The following GMEB1 variants were observed in gnomAD, a reference collection of about 807,000 sequenced individuals.
GMEB1 encodes glucocorticoid modulatory element-binding protein 1.
In GMEB1, 6 loss-of-function variants were observed where a neutral mutation model predicts 52.4. That is an observed-to-expected ratio of 0.11 (90% confidence interval 0.06 to 0.23). The LOEUF (loss-of-function observed/expected upper bound fraction) is 0.23. Ranked by LOEUF, GMEB1 falls within the 10% of genes least tolerant of loss-of-function variation. GMEB1 has a pLI of 1.00. For missense variants in GMEB1, 486 were observed against 685.6 expected (o/e 0.71, Z 3.25); for synonymous variants, 255 against 244.9 (o/e 1.04, Z -0.38).
At position 28,714,821 on chromosome 1, in the gene GMEB1, T is replaced by A; in HGVS notation, c.*48T>A. The A allele has an allele frequency of 7.8e-7, 1 of 1,279,980 alleles. No individual in the cohort carries two copies. Among genetic ancestry groups the A allele is most frequent in the Non-Finnish European group, 1.1e-6 (1 of 906,212 alleles). 79.3% of individuals were successfully genotyped at this position (1,279,980 alleles called of 1,614,324 possible). ...TTATGTTTTGATTTGGAATTTTAAT[T>A]ATTTGTTTATTTTTATCATTGTCCC... On this transcript the variant is annotated 3_prime_UTR_variant, in exon 10 of 10. Coordinates refer to ENST00000373816, the MANE Select transcript of GMEB1 (RefSeq NM_001319674.2).
At chr1:28,700,684 CAAAA>C (rs760383155) in intron 6 of GMEB1, among the ~76,000 whole-genome samples, 2 of 104,150 alleles carry the variant, frequency 1.9e-5, no homozygotes. Flanking sequence ...GACTCTGTCT[CAAAA>C]AAAAAAAAAA....
intron 6 of GMEB1, among the ~76,000 whole-genome samples, chr1:28,699,299 C>G (rs1189051321): frequency 6.6e-6 from 1 of 152,158 alleles, no homozygotes; most frequent in East Asian, 1.9e-4. Context: ...GTTAGTCCAG[C>G]TGGAGACTTA....
chr1:28,696,023 A>G (rs942751944), intron 5 of GMEB1, among the ~76,000 whole-genome samples: 2 of 147,412 alleles, frequency 1.4e-5, no homozygotes, highest in African/African-American at 5.0e-5. Context: ...GAAATTGGGA[A>G]GGAATATCTT....
chr1:28,682,384 C>T (rs1351922553), intron 1 of GMEB1, among the ~76,000 whole-genome samples: 1 of 151,964 alleles, frequency 6.6e-6, no homozygotes, highest in Non-Finnish European at 1.5e-5. Context: ...CTTTGGGAGG[C>T]TGAGACGGGT....
intron 1 of GMEB1, among the ~76,000 whole-genome samples, chr1:28,678,402 C>A (rs1381133698): frequency 6.6e-6 from 1 of 151,912 alleles, no homozygotes; most frequent in Non-Finnish European, 1.5e-5. Context: ...AGCTCCGCCT[C>A]TGGGGTTCGC....
intron 1 of GMEB1, among the ~76,000 whole-genome samples, chr1:28,674,173 A>G (rs1217482306): frequency 1.3e-5 from 2 of 151,532 alleles, no homozygotes; most frequent in African/African-American, 4.8e-5. Context: ...AAGTTAATGA[A>G]AAAAAGGAAA....
intron 1 of GMEB1, among the ~76,000 whole-genome samples, chr1:28,683,210 C>CTTCTT (rs1238739903): frequency 9.9e-5 from 15 of 151,706 alleles, no homozygotes; most frequent in African/African-American, 4.8e-5. Context: ...ATATGGTTGA[C>CTTCTT]TTCTTTTCTT....
chr1:28,670,973 G>A (rs1213508858), intron 1 of GMEB1, among the ~76,000 whole-genome samples: 1 of 152,058 alleles, frequency 6.6e-6, no homozygotes, highest in Non-Finnish European at 1.5e-5. Flanking sequence ...AAAGTCCACC[G>A]GACTGTAGCG....
intron 1 of GMEB1, among the ~76,000 whole-genome samples, chr1:28,671,413 G>A (rs976746736): frequency 4.6e-5 from 7 of 152,032 alleles, no homozygotes; most frequent in African/African-American, 1.4e-4. Flanking sequence ...CACTGCGCCC[G>A]CCTAATTTTG....
chr1:28,681,928 T>G (rs184852088), intron 1 of GMEB1, among the ~76,000 whole-genome samples: 4 of 152,078 alleles, frequency 2.6e-5, no homozygotes, highest in Admixed American at 2.6e-4. Flanking sequence ...GGTCTCGAAC[T>G]CCCAACCTCA....
chr1:28,698,726 G>A (rs1041247280), intron 6 of GMEB1, among the ~76,000 whole-genome samples: 11 of 151,876 alleles, frequency 7.2e-5, no homozygotes, highest in African/African-American at 2.7e-4. Flanking sequence ...GCTCACGCCT[G>A]TAATCCTAGC....
intron 6 of GMEB1, among the ~76,000 whole-genome samples, chr1:28,700,329 A>G (rs1670441002): frequency 6.6e-6 from 1 of 151,788 alleles, no homozygotes; most frequent in African/African-American, 2.4e-5. Flanking sequence ...TGGCTAGCAT[A>G]GTGAAACCCT....
rs1670644235 is a variant in GMEB1 at position 28,704,244 on chromosome 1, G to A, written c.783G>A (p.Glu261=). 1 of 1,613,586 alleles carries A rather than the reference G, an allele frequency of 6.2e-7. No individual in the cohort carries two copies. Among genetic ancestry groups the A allele is most frequent in the Non-Finnish European group, 8.5e-7 (1 of 1,179,790 alleles). The change falls in exon 8 of 10, where the codon GAG becomes GAA. Residue 261 remains glutamate, a synonymous_variant. Coordinates refer to ENST00000373816, the MANE Select transcript of GMEB1 (RefSeq NM_001319674.2). ...TAGCTGATGTAGGGCTGATGGAAGA[G>A]GTTGTCTGCAATATACAGAAGGAAA... ...KGIADVGLME[E]VVCNIQKEIE... is the part of the protein sequence containing the mutation.
chr1:28,714,568 C>T lies in GMEB1; in HGVS notation c.1487C>T (p.Ser496Leu). The T allele has an allele frequency of 3.1e-6, 5 of 1,614,154 alleles. No homozygotes were observed. Among genetic ancestry groups the T allele is most frequent in the Non-Finnish European group, 4.2e-6 (5 of 1,180,030 alleles). The change falls in exon 10 of 10, where the codon TCG (serine) becomes TTG (leucine). Residue 496 changes from serine (S) to leucine (L), a missense_variant. Ser to Leu is a moderately radical substitution (Grantham distance 145). Around this residue, in one of 5 missense-constraint regions of GMEB1, gnomAD observed 153 missense variants for 200.8 expected, o/e 0.76. Transcript: ENST00000373816. ...ELVAMESGLT[S>L]AIQAVESTSE... ...GTGGCCATGGAGTCCGGCCTAACCT[C>T]GGCAATTCAGGCTGTTGAAAGCACC...
chr1:28,673,881 T>G (rs1273529216), intron 1 of GMEB1, among the ~76,000 whole-genome samples: 1 of 151,844 alleles, frequency 6.6e-6, no homozygotes, highest in Non-Finnish European at 1.5e-5. Flanking sequence ...CCAGGCGTGG[T>G]GTCTCATGCC....
At chr1:28,668,297 C>G (rs1157787547), upstream of GMEB1, among the ~76,000 whole-genome samples, 5 of 149,206 alleles carry the variant, frequency 3.4e-5, no homozygotes, top group Non-Finnish European at 7.4e-5. Context: ...ACTTGGCAAA[C>G]AGGCACGGGT....
rs1557530151 is a variant in GMEB1, at chr1:28,718,760, T to A, written c.*3987T>A. ...TCCTTTACTGAGGTACTGAAACAGA[T>A]CCTACTGCGTAAGTGCTGTGTGTGA... On this transcript the variant is annotated 3_prime_UTR_variant, in exon 10 of 10. Transcript: ENST00000373816. 6.6e-6 allele frequency: 1 copy of A among 152,114 alleles called. No homozygotes were observed. Among genetic ancestry groups the A allele is most frequent in the Non-Finnish European group, 1.5e-5 (1 of 68,034 alleles). 9.4% of individuals were successfully genotyped at this position (152,114 alleles called of 1,614,324 possible).
chr1:28,688,903 C>CTTTTTCTTT (rs1669818297), intron 2 of GMEB1, among the ~76,000 whole-genome samples: 1 of 144,292 alleles, frequency 6.9e-6, no homozygotes, highest in East Asian at 2.1e-4. Flanking sequence ...TTTTTTTTTT[C>CTTTTTCTTT]TTTTTTGAGA....
intron 8 of GMEB1, 134 bp downstream of exon 8, chr1:28,704,463 C>CAT: frequency 1.6e-6 from 1 of 621,256 alleles, no homozygotes; most frequent in Non-Finnish European, 2.5e-6. Flanking sequence ...AACTAAGGCT[C>CAT]ATATAAGTTA....
Sources: gnomAD v4.1 joint callset for allele counts (sites outside exome capture counted in the v4.1 genomes callset) on GRCh38, gnomAD v4.1.1 for gene constraint, gnomAD v4.1.1 regional missense constraint, MANE v1.5 for transcripts, NCBI Gene and HGNC (gene_info 2026-07-23, HGNC 2026-07-21) for gene names.